The following THSD4 variants were observed in gnomAD, a reference collection of about 807,000 sequenced individuals.
THSD4 encodes thrombospondin type 1 domain containing 4.
In THSD4, 69 loss-of-function variants were observed where a neutral mutation model predicts 119.0. The ratio of observed to expected loss-of-function variants is 0.58; its 90% CI spans 0.48 to 0.71. The LOEUF (loss-of-function observed/expected upper bound fraction) is 0.71. Ranked by LOEUF, THSD4 falls within the 30% of genes least tolerant of loss-of-function variation. THSD4 has a pLI of 0.00. For missense variants in THSD4, 1,393 were observed against 1,391.1 expected (o/e 1.00, Z -0.02); for synonymous variants, 524 against 540.4 (o/e 0.97, Z 0.42).
At chr15:71,407,030 C>T (rs1347873048) in intron 6 of THSD4, among the ~76,000 whole-genome samples, 1 of 152,034 alleles carries the variant, frequency 6.6e-6, no homozygotes, top group African/African-American at 2.4e-5. Flanking sequence ...GTTATGTCTT[C>T]CTGATGGATT....
intron 7 of THSD4, among the ~76,000 whole-genome samples, chr15:71,648,530 TTTG>T (rs199816918): frequency 0.013 from 1,915 of 152,328 alleles, 12 homozygotes; most frequent in Middle Eastern, 0.027. Flanking sequence ...CTTTAAGTTT[TTTG>T]TTGTTGTTGT....
chr15:71,410,352 G>C (rs1490430232), intron 6 of THSD4, among the ~76,000 whole-genome samples: 1 of 152,192 alleles, frequency 6.6e-6, no homozygotes, highest in Non-Finnish European at 1.5e-5. Context: ...ACATCAACCT[G>C]AGAGGGGGCA....
intron 7 of THSD4, among the ~76,000 whole-genome samples, chr15:71,444,620 G>C (rs926941768): frequency 1.3e-5 from 2 of 152,138 alleles, no homozygotes; most frequent in Non-Finnish European, 2.9e-5. Context: ...TTCCTCCCTT[G>C]TGCACGCTCT....
intron 1 of THSD4, among the ~76,000 whole-genome samples, chr15:71,121,492 T>C (rs573243902): frequency 6.6e-6 from 1 of 152,200 alleles, no homozygotes; most frequent in South Asian, 2.1e-4. Context: ...CTTTGATTGA[T>C]CTCCCTTGTT....
chr15:71,537,917 C>A (rs1283303298), intron 7 of THSD4, among the ~76,000 whole-genome samples: 4 of 151,998 alleles, frequency 2.6e-5, no homozygotes, highest in African/African-American at 9.7e-5. Flanking sequence ...TACATGCCAC[C>A]ATGCCCAGCT....
chr15:71,295,866 G>A (rs991769367), intron 6 of THSD4, among the ~76,000 whole-genome samples: 3 of 152,190 alleles, frequency 2.0e-5, no homozygotes, highest in Non-Finnish European at 4.4e-5. Flanking sequence ...TTCTGCCCCT[G>A]TAGATTTACC....
intron 5 of THSD4, among the ~76,000 whole-genome samples, chr15:71,252,082 G>A (rs1014058028): frequency 6.6e-6 from 1 of 152,188 alleles, no homozygotes; most frequent in Non-Finnish European, 1.5e-5. Context: ...TCCAGACTTT[G>A]TTGGTCTCAT....
At chr15:71,428,900 G>A (rs2046907885) in intron 7 of THSD4, among the ~76,000 whole-genome samples, 1 of 152,086 alleles carries the variant, frequency 6.6e-6, no homozygotes, top group African/African-American at 2.4e-5. Flanking sequence ...CTCTTCCCTT[G>A]CTTGTCTTCC....
chr15:71,522,358 G>A (rs34149982), intron 7 of THSD4, among the ~76,000 whole-genome samples: 15,734 of 152,184 alleles, frequency 0.1, 905 homozygotes, highest in Middle Eastern at 0.16. Context: ...CATGGTAGAA[G>A]CAAACTCAAA....
At chr15:71,617,073 G>T (rs1210986964) in intron 7 of THSD4, among the ~76,000 whole-genome samples, 4 of 152,152 alleles carry the variant, frequency 2.6e-5, no homozygotes, top group African/African-American at 9.7e-5. Flanking sequence ...ATAAATTAGA[G>T]AATTGATTCA....
chr15:71,227,162 A>G (rs990432207), intron 4 of THSD4, among the ~76,000 whole-genome samples: 3 of 152,208 alleles, frequency 2.0e-5, no homozygotes, highest in Non-Finnish European at 4.4e-5. Flanking sequence ...AGTTACTCTG[A>G]TCTCAGACAA....
intron 8 of THSD4, among the ~76,000 whole-genome samples, chr15:71,684,285 G>A (rs145133644): frequency 1.3e-5 from 2 of 151,900 alleles, no homozygotes; most frequent in Middle Eastern, 3.4e-3. Context: ...GATTCTCATC[G>A]TTTTCTAGTG....
At chr15:71,632,492 C>CT (rs1422408991) in intron 7 of THSD4, among the ~76,000 whole-genome samples, 5 of 152,266 alleles carry the variant, frequency 3.3e-5, no homozygotes, top group Non-Finnish European at 7.3e-5. Context: ...TCTTTGGCCA[C>CT]TCTGTGGTCC....
intron 4 of THSD4, among the ~76,000 whole-genome samples, chr15:71,216,637 GA>G (rs2043935247): frequency 6.6e-6 from 1 of 152,246 alleles, no homozygotes; most frequent in Admixed American, 6.5e-5. Context: ...ACTGAGCATG[GA>G]GGGGGAAGGA....
At chr15:71,347,184 TTCTC>T (rs1477060830) in intron 6 of THSD4, among the ~76,000 whole-genome samples, 1 of 152,174 alleles carries the variant, frequency 6.6e-6, no homozygotes, top group Non-Finnish European at 1.5e-5. Context: ...CATTCTCATT[TTCTC>T]TCTTTCTGCA....
intron 6 of THSD4, among the ~76,000 whole-genome samples, chr15:71,268,355 T>C (rs1427113446): frequency 6.6e-6 from 1 of 152,184 alleles, no homozygotes; most frequent in Non-Finnish European, 1.5e-5. Flanking sequence ...CCTGAATAAC[T>C]ACTGGGTAAA....
intron 7 of THSD4, among the ~76,000 whole-genome samples, chr15:71,414,840 G>C (rs1036782546): frequency 1.3e-5 from 2 of 152,184 alleles, no homozygotes; most frequent in African/African-American, 2.4e-5. Context: ...GATGTTACTA[G>C]GACTACTGGA....
chr15:71,383,661 G>C (rs1270795214), intron 6 of THSD4, among the ~76,000 whole-genome samples: 2 of 152,072 alleles, frequency 1.3e-5, no homozygotes, highest in Admixed American at 1.3e-4. Flanking sequence ...CTAAATGCCA[G>C]AAAAGTGTAT....
At chr15:71,189,958 C>T (rs750749769) in intron 3 of THSD4, among the ~76,000 whole-genome samples, 14 of 152,164 alleles carry the variant, frequency 9.2e-5, no homozygotes, top group Admixed American at 9.2e-4. Flanking sequence ...CCCGCCCACG[C>T]ACTGCTGGGG....
Sources: gnomAD v4.1 joint callset for allele counts (sites outside exome capture counted in the v4.1 genomes callset) on GRCh38, gnomAD v4.1.1 for gene constraint, MANE v1.5 for transcripts, NCBI Gene and HGNC (gene_info 2026-07-23, HGNC 2026-07-21) for gene names.